Variants in C1QTNF3 observed in about 807,000 individuals in gnomAD.
C1QTNF3 encodes complement C1q tumor necrosis factor-related protein 3.
In C1QTNF3, 26 loss-of-function variants were observed where a neutral mutation model predicts 32.6. That is an observed-to-expected ratio of 0.80 (90% CI 0.58 to 1.11). The LOEUF (loss-of-function observed/expected upper bound fraction) is 1.11, where lower values mean the gene tolerates loss of function less well. C1QTNF3 is among the 50% of genes least tolerant of loss of function. C1QTNF3 has a pLI of 0.00. For missense variants in C1QTNF3, 362 were observed against 398.2 expected (o/e 0.91, Z 0.77); for synonymous variants, 155 against 146.0 (o/e 1.06, Z -0.44).
chr5:34,082,012 T>C, the C1QTNF3 span, among the ~76,000 whole-genome samples: 1 of 151,860 alleles, frequency 6.6e-6, no homozygotes, highest in East Asian at 1.9e-4. Flanking sequence ...CCAAAATTGA[T>C]TTTTTCCCCC....
At chr5:34,222,402 T>C in the C1QTNF3 span, among the ~76,000 whole-genome samples, 1 of 151,754 alleles carries the variant, frequency 6.6e-6, no homozygotes, top group Admixed American at 6.6e-5. Flanking sequence ...TCTTTGAAAA[T>C]AAATTTAGTT....
At chr5:34,059,370 C>T in the C1QTNF3 span, among the ~76,000 whole-genome samples, 10 of 152,252 alleles carry the variant, frequency 6.6e-5, no homozygotes, top group African/African-American at 2.4e-4. Flanking sequence ...AATTAACTTA[C>T]CTCTTAGTTC....
the C1QTNF3 span, among the ~76,000 whole-genome samples, chr5:34,195,594 C>T: frequency 6.6e-6 from 1 of 152,222 alleles, no homozygotes; most frequent in Non-Finnish European, 1.5e-5. Flanking sequence ...GTAATCCCAG[C>T]ACTTTGGGAG....
chr5:34,047,467 G>C (rs1755006925), upstream of C1QTNF3, among the ~76,000 whole-genome samples: 1 of 152,204 alleles, frequency 6.6e-6, no homozygotes, highest in African/African-American at 2.4e-5. Flanking sequence ...GATCAGTTAT[G>C]GTCTGGCCAA....
At chr5:34,071,184 T>C in the C1QTNF3 span, among the ~76,000 whole-genome samples, 51 of 152,302 alleles carry the variant, frequency 3.3e-4, no homozygotes, top group Non-Finnish European at 1.5e-5. Flanking sequence ...CAGCTTGTAA[T>C]CAAATTTAAG....
At chr5:34,194,970 T>C in the C1QTNF3 span, among the ~76,000 whole-genome samples, 1 of 151,846 alleles carries the variant, frequency 6.6e-6, no homozygotes, top group Non-Finnish European at 1.5e-5. Flanking sequence ...GACGCAATTT[T>C]TTTTTCCAAT....
At chr5:34,103,584 C>A in the C1QTNF3 span, among the ~76,000 whole-genome samples, 1 of 130,516 alleles carries the variant, frequency 7.7e-6, no homozygotes, top group Admixed American at 7.8e-5. Context: ...TTTGGGAGGC[C>A]GAGGTGGGAG....
the C1QTNF3 span, among the ~76,000 whole-genome samples, chr5:34,056,442 GTGTGTGTGTGTGTATA>G: frequency 9.0e-3 from 470 of 51,938 alleles, 8 homozygotes; most frequent in South Asian, 0.02. Context: ...GTGTGTGTGT[GTGTGTGTGTGTGTATA>G]TATATATATA....
At chr5:34,213,777 G>GTATATATACA in the C1QTNF3 span, among the ~76,000 whole-genome samples, 2 of 26,514 alleles carry the variant, frequency 7.5e-5, no homozygotes, top group African/African-American at 2.1e-4. Context: ...ACACATACGT[G>GTATATATACA]TATATATACA....
At chr5:34,185,638 A>G in the C1QTNF3 span, among the ~76,000 whole-genome samples, 1 of 152,308 alleles carries the variant, frequency 6.6e-6, no homozygotes, top group Admixed American at 6.5e-5. Context: ...GACCACAAAA[A>G]GGATACCTGA....
At position 34,035,772 on chromosome 5, in the gene C1QTNF3, A is replaced by T. The variant is rs769879431; in HGVS notation, c.304-14T>A. On this transcript the variant is annotated splice_polypyrimidine_tract_variant and intron_variant, in intron 1 of 5. Transcript: ENST00000382065. Reference sequence around the variant, plus strand: ...GGTTTGTGGAGACTAAAAAGACAGAAAGAGAAGCTTCAGAAAAAAAGGTAC... The same window carrying T: ...GGTTTGTGGAGACTAAAAAGACAGATAGAGAAGCTTCAGAAAAAAAGGTAC... 1.1e-5 allele frequency: 18 copies of T among 1,594,076 alleles called. No individual in the cohort carries two copies. The highest frequency in any genetic ancestry group is 1.5e-5 in the Non-Finnish European group (18 of 1,164,518).
chr5:34,084,228 T>A, the C1QTNF3 span, among the ~76,000 whole-genome samples: 3 of 151,912 alleles, frequency 2.0e-5, no homozygotes, highest in South Asian at 6.2e-4. Flanking sequence ...TATTTATTTG[T>A]GAAGGTGGCT....
intron 5 of C1QTNF3, among the ~76,000 whole-genome samples, chr5:34,023,444 T>A (rs1023189114): frequency 3.3e-5 from 5 of 152,300 alleles, no homozygotes; most frequent in Admixed American, 2.6e-4. Context: ...AACACAGCAA[T>A]TATCACACAT....
chr5:34,033,314 G>T lies in C1QTNF3; in HGVS notation c.560C>A (p.Pro187Gln), dbSNP rs749754832. 10 of 1,613,684 alleles carry T rather than the reference G, an allele frequency of 6.2e-6. No individual in the cohort carries two copies. The highest frequency in any genetic ancestry group is 3.3e-4 in the Middle Eastern group (2 of 6,054). Residue 187 changes from proline to glutamine, a missense_variant, in exon 3 of 6, where the codon CCA (proline) becomes CAA (glutamine). Coordinates refer to ENST00000382065, the MANE Select transcript of C1QTNF3 (RefSeq NM_181435.6). ...CCGAGGATGGTTTACCTGAAGTTCT[G>T]GTGGAATCCCCGGGTAGCCCTTCTC... ...KGEKGYPGIP[P>Q]ELQIAFMASL... is the part of the protein sequence containing the mutation.
At chr5:34,021,951 T>A (rs1754339512) in intron 5 of C1QTNF3, among the ~76,000 whole-genome samples, 1 of 152,136 alleles carries the variant, frequency 6.6e-6, no homozygotes, top group Non-Finnish European at 1.5e-5. Flanking sequence ...AAAAGACTAC[T>A]CATTCAATCA....
chr5:34,124,386 T>C, the C1QTNF3 span: 8 of 713,870 alleles, frequency 1.1e-5, no homozygotes, highest in Non-Finnish European at 2.1e-5. Context: ...TGGCTCACGG[T>C]TCTGCAGGCT....
At chr5:34,040,597 C>G (rs181954894) in intron 1 of C1QTNF3, among the ~76,000 whole-genome samples, 13 of 152,256 alleles carry the variant, frequency 8.5e-5, no homozygotes, top group Admixed American at 7.2e-4. Flanking sequence ...GAGCATCTTT[C>G]CAGACCATAT....
At chr5:34,202,480 T>A in the C1QTNF3 span, among the ~76,000 whole-genome samples, 1 of 152,240 alleles carries the variant, frequency 6.6e-6, no homozygotes, top group East Asian at 1.9e-4. Flanking sequence ...TTTAAATTAT[T>A]AAAATTCTGA....
At chr5:34,206,972 T>C in the C1QTNF3 span, among the ~76,000 whole-genome samples, 4 of 152,260 alleles carry the variant, frequency 2.6e-5, no homozygotes, top group African/African-American at 2.4e-5. Flanking sequence ...AGTGTGTTCA[T>C]GTCTTAAGAG....
Sources: gnomAD v4.1 joint callset for allele counts (sites outside exome capture counted in the v4.1 genomes callset) on GRCh38, gnomAD v4.1.1 for gene constraint, MANE v1.5 for transcripts, NCBI Gene and HGNC (gene_info 2026-07-23, HGNC 2026-07-21) for gene names.